The following CLVS1 variants were observed in gnomAD, a reference collection of about 807,000 sequenced individuals.
The protein encoded by CLVS1 is clavesin-1.
In CLVS1, 10 loss-of-function variants were observed where a neutral mutation model predicts 33.1. That is an observed-to-expected ratio of 0.30 (90% CI 0.19 to 0.51). The LOEUF (loss-of-function observed/expected upper bound fraction) is 0.51, where lower values mean the gene tolerates loss of function less well. CLVS1 is among the 20% of genes least tolerant of loss of function. The probability of loss-of-function intolerance (pLI) is 0.97; values close to 1 mark genes in which losing one functional copy is unlikely to be tolerated. For synonymous variants in CLVS1, 163 were observed against 166.1 expected (o/e 0.98, Z 0.14); for missense variants, 343 against 433.4 (o/e 0.79, Z 1.85).
At chr8:61,326,267 A>G (rs1811381814) in intron 2 of CLVS1, among the ~76,000 whole-genome samples, 1 of 152,180 alleles carries the variant, frequency 6.6e-6, no homozygotes, top group African/African-American at 2.4e-5. Flanking sequence ...ACAGTGGTTC[A>G]TTATTTCTCA....
chr8:61,232,335 C>T (rs898080606), intron 2 of CLVS1, among the ~76,000 whole-genome samples: 6 of 151,944 alleles, frequency 3.9e-5, no homozygotes, highest in Non-Finnish European at 7.4e-5. Flanking sequence ...CGCGCCTGGC[C>T]GAGGAAAGTT....
intron 3 of CLVS1, among the ~76,000 whole-genome samples, chr8:61,419,748 G>T (rs1815582882): frequency 6.6e-6 from 1 of 152,172 alleles, no homozygotes; most frequent in South Asian, 2.1e-4. Flanking sequence ...GTCTCTGTAG[G>T]CTCTCAGGCT....
At chr8:61,286,378 A>G (rs7815054), upstream of CLVS1, among the ~76,000 whole-genome samples, 36,057 of 152,176 alleles carry the variant, frequency 0.24, 7,027 homozygotes, top group East Asian at 0.84. Context: ...CTATGGAGCC[A>G]TAGAGCATAG....
chr8:61,323,550 T>C (rs1381841259), intron 2 of CLVS1, among the ~76,000 whole-genome samples: 1 of 152,120 alleles, frequency 6.6e-6, no homozygotes. Context: ...CCACCAAAAG[T>C]CTCACCTCAA....
chr8:60,982,916 T>C, the CLVS1 span, among the ~76,000 whole-genome samples: 3 of 152,102 alleles, frequency 2.0e-5, no homozygotes, highest in African/African-American at 7.2e-5. Context: ...TTAGCCTGGG[T>C]GACAGAGTAA....
intron 2 of CLVS1, among the ~76,000 whole-genome samples, chr8:61,337,758 C>T (rs1455711261): frequency 6.6e-6 from 1 of 152,150 alleles, no homozygotes; most frequent in Non-Finnish European, 1.5e-5. Flanking sequence ...GTAATTCACC[C>T]AAGGTCAAAC....
At chr8:61,191,486 A>C (rs1337717990) in intron 2 of CLVS1, among the ~76,000 whole-genome samples, 4 of 152,206 alleles carry the variant, frequency 2.6e-5, no homozygotes, top group African/African-American at 9.6e-5. Flanking sequence ...GTGCTCTCTC[A>C]CAACTCCTAT....
At chr8:61,243,501 G>A (rs1190051623) in intron 2 of CLVS1, among the ~76,000 whole-genome samples, 2 of 152,114 alleles carry the variant, frequency 1.3e-5, no homozygotes, top group Non-Finnish European at 2.9e-5. Flanking sequence ...TTCTATTGGG[G>A]CTTTAGTTGT....
chr8:61,346,832 G>T (rs1371300346), intron 2 of CLVS1, among the ~76,000 whole-genome samples: 1 of 152,186 alleles, frequency 6.6e-6, no homozygotes, highest in Non-Finnish European at 1.5e-5. Context: ...TGTTCAGAGA[G>T]AACAGGGTGC....
At chr8:61,376,891 T>A in intron 3 of CLVS1, 112 bp downstream of exon 3, 1 of 968,188 alleles carries the variant, frequency 1.0e-6, no homozygotes, top group Non-Finnish European at 1.5e-6. Context: ...AAACTTGGAT[T>A]AAATTCATCT....
chr8:61,302,249 G>A (rs918857737), intron 2 of CLVS1, among the ~76,000 whole-genome samples: 5 of 152,132 alleles, frequency 3.3e-5, no homozygotes, highest in Non-Finnish European at 7.3e-5. Flanking sequence ...CTACCTTTCC[G>A]TGTTTCTACT....
At chr8:61,398,120 A>G (rs1814605153) in intron 3 of CLVS1, among the ~76,000 whole-genome samples, 1 of 148,256 alleles carries the variant, frequency 6.7e-6, no homozygotes, top group Admixed American at 6.7e-5. Context: ...AAGTCTTTCC[A>G]TTTATTTAGA....
chr8:61,130,777 A>G (rs1332322165), intron 1 of CLVS1, among the ~76,000 whole-genome samples: 1 of 152,212 alleles, frequency 6.6e-6, no homozygotes, highest in Non-Finnish European at 1.5e-5. Context: ...CTGTTGGTGG[A>G]AAAAACACTG....
At chr8:61,172,702 A>C (rs1050505767) in intron 2 of CLVS1, among the ~76,000 whole-genome samples, 1 of 152,134 alleles carries the variant, frequency 6.6e-6, no homozygotes, top group Non-Finnish European at 1.5e-5. Flanking sequence ...ACACAATGAA[A>C]ATTTATCGTA....
chr8:61,316,789 G>C (rs1017481041), intron 2 of CLVS1, among the ~76,000 whole-genome samples: 1 of 152,310 alleles, frequency 6.6e-6, no homozygotes. Flanking sequence ...CCTGTGGCTA[G>C]ATTATCTGGG....
chr8:60,971,113 T>TCACC, the CLVS1 span, among the ~76,000 whole-genome samples: 9 of 138,184 alleles, frequency 6.5e-5, no homozygotes, highest in Non-Finnish European at 1.2e-4. Context: ...TCTGACTCTG[T>TCACC]CACCCATGCT....
chr8:61,312,850 T>C (rs1810879801), intron 2 of CLVS1, among the ~76,000 whole-genome samples: 1 of 152,226 alleles, frequency 6.6e-6, no homozygotes. Context: ...CTGTCAGGGA[T>C]TGTGCCACTT....
At chr8:61,308,911 A>G (rs1418412860) in intron 2 of CLVS1, among the ~76,000 whole-genome samples, 1 of 152,136 alleles carries the variant, frequency 6.6e-6, no homozygotes, top group Non-Finnish European at 1.5e-5. Flanking sequence ...CCGACCCTGC[A>G]CTCAGTTTCC....
At chr8:61,429,783 A>G (rs1371329678) in intron 3 of CLVS1, among the ~76,000 whole-genome samples, 13 of 152,350 alleles carry the variant, frequency 8.5e-5, no homozygotes. Context: ...GTGGTATAAA[A>G]TACTTATAAG....
Sources: allele counts gnomAD v4.1 joint callset (sites outside exome capture counted in the v4.1 genomes callset), GRCh38; gene constraint gnomAD v4.1.1; transcripts MANE v1.5; gene names NCBI Gene and HGNC (gene_info 2026-07-23, HGNC 2026-07-21).